FBN2: variants seen among roughly 807,000 people sequenced by gnomAD.
FBN2 encodes the protein fibrillin-2.
Under a neutral mutation model 355.6 loss-of-function variants are expected in FBN2, and 105 were observed. The ratio of observed to expected loss-of-function variants is 0.30; its 90% CI spans 0.25 to 0.35. The LOEUF is 0.35. FBN2 is among the 10% of genes least tolerant of loss of function. The probability of loss-of-function intolerance (pLI) is 1.00; values close to 1 mark genes in which losing one functional copy is unlikely to be tolerated. For synonymous variants in FBN2, 1,350 were observed against 1,301.2 expected (o/e 1.04, Z -0.81); for missense variants, 3,280 against 3,758.7 (o/e 0.87, Z 3.33).
At chr5:128,468,522 C>T (rs1192625085) in intron 5 of FBN2, among the ~76,000 whole-genome samples, 1 of 152,200 alleles carries the variant, frequency 6.6e-6, no homozygotes, top group Non-Finnish European at 1.5e-5. Flanking sequence ...ATACATTTAA[C>T]TTTCTACGAA....
intron 6 of FBN2, among the ~76,000 whole-genome samples, chr5:128,457,244 G>C (rs1024307484): frequency 2.6e-5 from 4 of 152,026 alleles, no homozygotes; most frequent in Non-Finnish European, 5.9e-5. Context: ...ATGCAGACAA[G>C]AATAGAGAAA....
chr5:128,533,827 G>A (rs1357730136), intron 2 of FBN2, among the ~76,000 whole-genome samples: 1 of 150,888 alleles, frequency 6.6e-6, no homozygotes, highest in African/African-American at 2.4e-5. Flanking sequence ...AAATTAATAA[G>A]CAAATTGTTT....
At chr5:128,484,040 G>C (rs1052491607) in intron 5 of FBN2, among the ~76,000 whole-genome samples, 1 of 152,128 alleles carries the variant, frequency 6.6e-6, no homozygotes, top group African/African-American at 2.4e-5. Context: ...GAATGGGCAA[G>C]AGACAGAAAT....
At chr5:128,393,104 TAA>T in intron 10 of FBN2, 29 bp downstream of exon 10, 3 of 1,525,398 alleles carry the variant, frequency 2.0e-6, no homozygotes, top group Non-Finnish European at 2.7e-6. Context: ...GGCAGGAAAC[TAA>T]AGAGTCCACA....
chr5:128,334,726 TCCTGTGGTCC>T lies in FBN2; in HGVS notation c.4082_4091del (p.Gly1361AspfsTer22). ...CACAAGCTTGAAACCTACCTGTACA[TCCTGTGGTCC>T]CCTTCTTCACTGAGTAACCCAGCTG... On this transcript the variant is annotated frameshift_variant, in exon 31 of 65. Coordinates refer to ENST00000262464, the MANE Select transcript of FBN2 (RefSeq NM_001999.4). LOFTEE classifies it high-confidence loss of function. 6.2e-7 allele frequency: 1 copy of T among 1,614,154 alleles called. No homozygotes were observed. The highest frequency in any genetic ancestry group is 8.5e-7 in the Non-Finnish European group (1 of 1,179,992).
chr5:128,531,065 A>T (rs1392151241), intron 2 of FBN2, among the ~76,000 whole-genome samples: 1 of 152,168 alleles, frequency 6.6e-6, no homozygotes, highest in Non-Finnish European at 1.5e-5. Context: ...CATGCATGTT[A>T]ATAGCAGCAC....
At chr5:128,304,217 C>T (rs923416219) in intron 45 of FBN2, among the ~76,000 whole-genome samples, 1 of 152,216 alleles carries the variant, frequency 6.6e-6, no homozygotes, top group Non-Finnish European at 1.5e-5. Context: ...TTAATTTTCC[C>T]CTTTCAAGTG....
chr5:128,289,096 T>C (rs1433378647), intron 52 of FBN2, 31 bp downstream of exon 52: 1 of 1,612,828 alleles, frequency 6.2e-7, no homozygotes, highest in African/African-American at 1.3e-5. Flanking sequence ...AATAGAACTT[T>C]AAAATTCTGT....
Position 128,334,915 on chromosome 5 carries a change from A to C in FBN2, c.3974-71T>G. ...ATTTAAAAGCTATCTTCTACACTGA[A>C]TAGCATAATACTGAAATACACAGGC... On this transcript the variant is annotated intron_variant, in intron 30 of 64. Transcript: ENST00000262464. 19 of 1,361,980 alleles carry C rather than the reference A, an allele frequency of 1.4e-5. No individual in the cohort carries two copies. In the South Asian group the frequency reaches 2.0e-4, roughly 14 times the overall value. The allele number at this position is 1,361,980 out of a possible 1,614,324, so 84.4% of individuals were successfully genotyped here.
intron 54 of FBN2, among the ~76,000 whole-genome samples, 155 bp from the exon 55 acceptor site, chr5:128,287,004 A>G (rs1749171503): frequency 6.6e-6 from 1 of 152,236 alleles, no homozygotes. Context: ...GCTATATTCC[A>G]GATGTGTAAG....
intron 5 of FBN2, among the ~76,000 whole-genome samples, chr5:128,510,454 T>C (rs1756083653): frequency 6.6e-6 from 1 of 152,194 alleles, no homozygotes; most frequent in South Asian, 2.1e-4. Context: ...GTTTCCCTTC[T>C]CTCACGGGTC....
chr5:128,331,128 C>A (rs1561774215), intron 32 of FBN2, among the ~76,000 whole-genome samples: 1 of 152,112 alleles, frequency 6.6e-6, no homozygotes, highest in South Asian at 2.1e-4. Flanking sequence ...CTCATGGAAT[C>A]CCTTAGTTGA....
chr5:128,299,182 C>A (rs1401869334), intron 48 of FBN2, among the ~76,000 whole-genome samples: 1 of 151,914 alleles, frequency 6.6e-6, no homozygotes, highest in East Asian at 1.9e-4. Flanking sequence ...AGGAGGCAGT[C>A]TGCCCGTTCT....
intron 32 of FBN2, among the ~76,000 whole-genome samples, chr5:128,331,049 A>G (rs1750677720): frequency 6.6e-6 from 1 of 152,238 alleles, no homozygotes; most frequent in Non-Finnish European, 1.5e-5. Flanking sequence ...TGAATTTCAG[A>G]GCAGGAAAAT....
intron 5 of FBN2, among the ~76,000 whole-genome samples, chr5:128,504,399 A>T (rs1464416255): frequency 2.6e-5 from 4 of 152,176 alleles, no homozygotes; most frequent in African/African-American, 9.7e-5. Context: ...AGCCACAGGC[A>T]CTCAACACCA....
At chr5:128,383,123 AG>A (rs780134167) in intron 11 of FBN2, among the ~76,000 whole-genome samples, 6 of 152,134 alleles carry the variant, frequency 3.9e-5, no homozygotes, top group Admixed American at 2.0e-4. Context: ...CGATGCAGAC[AG>A]GGGGAACACT....
At chr5:128,468,226 T>C (rs574509621) in intron 5 of FBN2, among the ~76,000 whole-genome samples, 1 of 152,296 alleles carries the variant, frequency 6.6e-6, no homozygotes, top group South Asian at 2.1e-4. Context: ...TTCTTTCACC[T>C]AGCATAATGT....
intron 19 of FBN2, among the ~76,000 whole-genome samples, chr5:128,360,320 G>A (rs1751607502): frequency 6.6e-6 from 1 of 152,094 alleles, no homozygotes; most frequent in South Asian, 2.1e-4. Context: ...AGACTCTGTA[G>A]TTGAATACAT....
chr5:128,422,922 C>G (rs758364887), intron 7 of FBN2, among the ~76,000 whole-genome samples: 4 of 152,078 alleles, frequency 2.6e-5, no homozygotes, highest in African/African-American at 9.7e-5. Context: ...AAAGATGCAG[C>G]TGGTTTCAAA....
Sources: gnomAD v4.1 joint callset for allele counts (sites outside exome capture counted in the v4.1 genomes callset) on GRCh38, gnomAD v4.1.1 for gene constraint, MANE v1.5 for transcripts, NCBI Gene and HGNC (gene_info 2026-07-23, HGNC 2026-07-21) for gene names.